TENT2: variants seen among roughly 807,000 people sequenced by gnomAD.
TENT2 encodes terminal nucleotidyltransferase 2.
A neutral mutation model predicts 72.2 loss-of-function variants in TENT2; 44 were observed. The observed-to-expected ratio is 0.61, with a 90% confidence interval of 0.48 to 0.78. The LOEUF (loss-of-function observed/expected upper bound fraction) is 0.78. Among genes scored for constraint, TENT2 ranks in the 30% least tolerant of loss-of-function variants. The probability of loss-of-function intolerance (pLI) is 0.00; values close to 1 mark genes in which losing one functional copy is unlikely to be tolerated. For synonymous variants in TENT2, 212 were observed against 192.5 expected (o/e 1.10, Z -0.84); for missense variants, 541 against 569.6 (o/e 0.95, Z 0.51).
chr5:79,644,538 ATATG>A (rs965627744), intron 7 of TENT2: 2 of 152,240 alleles, frequency 1.3e-5, no homozygotes, highest in East Asian at 1.9e-4. Context: ...TGTATATGAT[ATATG>A]TATGTATGTA....
intron 4 of TENT2, among the ~76,000 whole-genome samples, chr5:79,629,645 G>A (rs1012749471): frequency 6.7e-6 from 1 of 150,104 alleles, no homozygotes; most frequent in Non-Finnish European, 1.5e-5. Context: ...GGCTAACATC[G>A]TGAAACCCCG....
intron 12 of TENT2, 48 bp downstream of exon 12, chr5:79,669,076 GTGTA>G: frequency 6.3e-7 from 1 of 1,581,308 alleles, no homozygotes; most frequent in Non-Finnish European, 8.7e-7. Flanking sequence ...GTGTGTGTGT[GTGTA>G]TGTATGTATA....
chr5:79,682,925 G>A (rs1823203814), intron 14 of TENT2, among the ~76,000 whole-genome samples: 1 of 152,104 alleles, frequency 6.6e-6, no homozygotes, highest in South Asian at 2.1e-4. Context: ...ATGGAGGGGA[G>A]GGAAAGCTTT....
chr5:79,678,809 A>G (rs1254093411), intron 12 of TENT2, among the ~76,000 whole-genome samples: 1 of 152,242 alleles, frequency 6.6e-6, no homozygotes, highest in African/African-American at 2.4e-5. Flanking sequence ...TAACACTAGA[A>G]GATTACTTCT....
At chr5:79,669,730 A>G (rs1009832978) in intron 12 of TENT2, among the ~76,000 whole-genome samples, 18 of 151,928 alleles carry the variant, frequency 1.2e-4, no homozygotes, top group African/African-American at 4.1e-4. Flanking sequence ...TGCATAGGGT[A>G]ATAATAATAG....
chr5:79,659,012 AC>A (rs1406047279), intron 11 of TENT2, among the ~76,000 whole-genome samples: 1 of 152,122 alleles, frequency 6.6e-6, no homozygotes, highest in African/African-American at 2.4e-5. Context: ...TAATAGCAAG[AC>A]CTGCGAGATT....
chr5:79,648,766 T>G, intron 9 of TENT2, 73 bp downstream of exon 9: 1 of 1,137,324 alleles, frequency 8.8e-7, no homozygotes, highest in Non-Finnish European at 1.3e-6. Flanking sequence ...TTGGCATAAA[T>G]AGTGACATCT....
intron 11 of TENT2, among the ~76,000 whole-genome samples, chr5:79,666,395 A>G (rs1808019421): frequency 6.7e-6 from 1 of 149,322 alleles, no homozygotes; most frequent in South Asian, 2.1e-4. Context: ...TTTTGCGATA[A>G]GGTCTTGCTC....
chr5:79,629,369 G>A (rs1306289335), intron 4 of TENT2, among the ~76,000 whole-genome samples: 1 of 152,196 alleles, frequency 6.6e-6, no homozygotes, highest in Non-Finnish European at 1.5e-5. Context: ...TAAGAGATCT[G>A]AAACAAAAGT....
Position 79,668,884 on chromosome 5 carries a change from T to C in TENT2, c.1072-8T>C. ...CTTTACATTTTTTCCCCTTCTTCTT[T>C]TTGACAGGAGTCTTTTAGTCCTGCT... On this transcript the variant is annotated splice_region_variant and splice_polypyrimidine_tract_variant and intron_variant, in intron 11 of 14. Transcript: ENST00000453514. 6.3e-7 allele frequency: 1 copy of C among 1,598,224 alleles called. No individual in the cohort carries two copies. The highest frequency in any genetic ancestry group is 1.1e-5 in the South Asian group (1 of 87,786).
chr5:79,669,155 A>G, intron 12 of TENT2, 127 bp downstream of exon 12: 2 of 1,138,430 alleles, frequency 1.8e-6, no homozygotes, highest in Non-Finnish European at 2.4e-6. Context: ...TGTCACTTCC[A>G]GTGTTGTAAA....
chr5:79,656,942 C>T lies in TENT2; in HGVS notation c.1028-16C>T. 6.3e-7 allele frequency: 1 copy of T among 1,593,400 alleles called. No homozygotes were observed. Among genetic ancestry groups the T allele is most frequent in the Non-Finnish European group, 8.6e-7 (1 of 1,168,046 alleles). On this transcript the variant is annotated splice_polypyrimidine_tract_variant and intron_variant, in intron 10 of 14. Transcript: ENST00000453514. ...TCACGTGAATCACGGAAGCTTTAAACTTTTTCTTTTTATAGCCCTACCTGA... is the reference window on the plus strand; with the variant it reads ...TCACGTGAATCACGGAAGCTTTAAATTTTTTCTTTTTATAGCCCTACCTGA...
At chr5:79,671,889 G>A (rs920370769) in intron 12 of TENT2, among the ~76,000 whole-genome samples, 1 of 151,948 alleles carries the variant, frequency 6.6e-6, no homozygotes, top group Non-Finnish European at 1.5e-5. Context: ...GATCACTTGA[G>A]CCCAGAAGTT....
intron 3 of TENT2, chr5:79,620,717 C>T (rs1764087004): frequency 6.6e-6 from 1 of 152,208 alleles, no homozygotes; most frequent in South Asian, 2.1e-4. Context: ...GTCCTATCTC[C>T]AAATACAGTC....
At chr5:79,669,213 T>C (rs1810951378) in intron 12 of TENT2, among the ~76,000 whole-genome samples, 185 bp downstream of exon 12, 1 of 152,206 alleles carries the variant, frequency 6.6e-6, no homozygotes, top group Non-Finnish European at 1.5e-5. Flanking sequence ...TGACAATGAA[T>C]TATTGGAAGC....
intron 12 of TENT2, among the ~76,000 whole-genome samples, chr5:79,672,743 T>C (rs1310095837): frequency 6.6e-6 from 1 of 152,242 alleles, no homozygotes; most frequent in Non-Finnish European, 1.5e-5. Flanking sequence ...AAATTTTGGC[T>C]ATTGGGAATA....
intron 10 of TENT2, among the ~76,000 whole-genome samples, chr5:79,650,005 G>A (rs1580439450): frequency 6.6e-6 from 1 of 152,108 alleles, no homozygotes; most frequent in Admixed American, 6.6e-5. Flanking sequence ...AGACTGAGAT[G>A]TTTAATAACT....
chr5:79,683,276 C>G (rs1255576498), intron 14 of TENT2, among the ~76,000 whole-genome samples: 2 of 151,568 alleles, frequency 1.3e-5, no homozygotes, highest in Non-Finnish European at 2.9e-5. Flanking sequence ...CAACGCATAG[C>G]AAGACATAGT....
At chr5:79,663,431 AT>A (rs1305808336) in intron 11 of TENT2, among the ~76,000 whole-genome samples, 1 of 152,094 alleles carries the variant, frequency 6.6e-6, no homozygotes, top group Non-Finnish European at 1.5e-5. Flanking sequence ...CTTGCTTTTC[AT>A]TTAAAGTGAG....
Sources: allele counts gnomAD v4.1 joint callset (sites outside exome capture counted in the v4.1 genomes callset), GRCh38; gene constraint gnomAD v4.1.1; transcripts MANE v1.5; gene names NCBI Gene and HGNC (gene_info 2026-07-23, HGNC 2026-07-21).